FGFR1: variants seen among roughly 807,000 people sequenced by gnomAD.
FGFR1 encodes the protein fibroblast growth factor receptor 1, also known as FGFR1/PLAG1 fusion.
A neutral mutation model predicts 93.7 loss-of-function variants in FGFR1; 18 were observed. That is an observed-to-expected ratio of 0.19 (90% confidence interval 0.13 to 0.28). FGFR1 has a LOEUF of 0.28. FGFR1 is among the 10% of genes least tolerant of loss of function. The pLI is 1.00. For synonymous variants in FGFR1, 448 were observed against 429.3 expected, an observed-to-expected ratio of 1.04 and a Z score of -0.54; for missense variants, 731 against 1,080.4, an observed-to-expected ratio of 0.68 and a Z score of 4.53.
chr8:38,468,516 C>T lies in FGFR1; in HGVS notation c.-624G>A, dbSNP rs534144457. On this transcript the variant is annotated 5_prime_UTR_variant, in exon 1 of 18. Coordinates refer to ENST00000447712, the MANE Select transcript of FGFR1 (RefSeq NM_023110.3). ...CCCGTCCGGACGTGGCCGCCCAGCTCCCGGCACACCCGGGTTCCTCCGCGC... is the reference window on the plus strand; with the variant it reads ...CCCGTCCGGACGTGGCCGCCCAGCTTCCGGCACACCCGGGTTCCTCCGCGC... 2.6e-4 allele frequency: 59 copies of T among 228,754 alleles called. 1 individual carries two copies. Among genetic ancestry groups the T allele is most frequent in the African/African-American group, 1.3e-3 (57 of 45,174 alleles). The allele number at this position is 228,754 out of a possible 1,614,324, so 14.2% of individuals were successfully genotyped here. A position where few individuals can be genotyped will look rare whatever the true frequency, so the allele number is the denominator to read the frequency against.
chr8:38,435,324 A>G (rs1824941289), intron 2 of FGFR1: 1 of 152,242 alleles, frequency 6.6e-6, no homozygotes, highest in Non-Finnish European at 1.5e-5. Flanking sequence ...TCTAGCATCC[A>G]GCAAAAGCTA....
intron 1 of FGFR1, among the ~76,000 whole-genome samples, chr8:38,461,560 T>C (rs1423030306): frequency 6.6e-6 from 1 of 152,190 alleles, no homozygotes; most frequent in Non-Finnish European, 1.5e-5. Context: ...CCACCTACAG[T>C]GGCCTCCCAA....
chr8:38,448,085 A>G lies in FGFR1; in HGVS notation c.91+9271T>C, dbSNP rs540560979. Reference sequence around the variant, plus strand: ...TAAATGCTGATATCAGTCACAAAACATCGTATACAGTATAAATCCTAATTC... The same window carrying G: ...TAAATGCTGATATCAGTCACAAAACGTCGTATACAGTATAAATCCTAATTC... On this transcript the variant is annotated intron_variant, in intron 2 of 17. Coordinates refer to ENST00000447712, the MANE Select transcript of FGFR1 (RefSeq NM_023110.3). Among the ~76,000 whole-genome samples, 4 of 152,336 alleles carry G rather than the reference A, an allele frequency of 2.6e-5. No individual in the cohort carries two copies. In the South Asian group the frequency reaches 6.2e-4, roughly 24 times the overall value.
intron 2 of FGFR1, among the ~76,000 whole-genome samples, chr8:38,432,918 C>G (rs2915664): frequency 2.1e-5 from 3 of 140,906 alleles, no homozygotes; most frequent in East Asian, 4.3e-4. Flanking sequence ...GCCCCCCCCC[C>G]TCCCCAGTTG....
In FGFR1 at chr8:38,429,884, C is replaced by G. The variant is rs1563516081; in HGVS notation, c.156G>C (p.Gln52His). ...CATCGTCCCGCAGCCGACAGCGAAG[C>G]TGCAGCAGGTCACCGGGGTGGACCA... ...SFLVHPGDLLQLRCRLRDDVQ... is the reference protein window; with the variant it reads ...SFLVHPGDLLHLRCRLRDDVQ... Residue 52 changes from glutamine to histidine, a missense_variant, in exon 3 of 18, where the codon CAG becomes CAC. Gln to His is a conservative substitution (Grantham distance 24). Transcript: ENST00000447712. The surrounding 1 kb of genome is among the most constrained non-coding windows in gnomAD (Gnocchi z 4.4). 3 of 1,614,044 alleles carry G rather than the reference C, an allele frequency of 1.9e-6. No individual in the cohort carries two copies. The highest frequency in any genetic ancestry group is 2.5e-6 in the Non-Finnish European group (3 of 1,180,008).
Position 38,411,543 on chromosome 8 carries a change from CA to C in FGFR1, c.*2084del. 3 of 228,446 alleles carry C rather than the reference CA, an allele frequency of 1.3e-5. No homozygotes were observed. Among genetic ancestry groups the C allele is most frequent in the Non-Finnish European group, 1.7e-5 (2 of 115,164 alleles). The allele number at this position is 228,446 out of a possible 1,614,324, so 14.2% of individuals were successfully genotyped here. On this transcript the variant is annotated 3_prime_UTR_variant, in exon 18 of 18. Transcript: ENST00000447712. ...CAATAGTCGCCAACACTGCAGCTGC[CA>C]AAAAATCCCTAGCTCAGAAATTTAA...
Position 38,420,751 on chromosome 8 carries a change from G to A in FGFR1, c.1082-1016C>T, listed in dbSNP as rs185776656. ...AAACCCACCAGCCAACCATGGAGGCGGCGCCCCTGGGAACCTTCCCAGAGA... is the reference window on the plus strand; with the variant it reads ...AAACCCACCAGCCAACCATGGAGGCAGCGCCCCTGGGAACCTTCCCAGAGA... On this transcript the variant is annotated intron_variant, in intron 8 of 17. Coordinates refer to ENST00000447712, the MANE Select transcript of FGFR1 (RefSeq NM_023110.3). 8.5e-5 allele frequency among the ~76,000 whole-genome samples: 13 copies of A among 152,224 alleles called. No individual in the cohort carries two copies. The East Asian group carries it at 2.5e-3, about 29-fold the overall frequency.
At chr8:38,416,151 C>T in intron 12 of FGFR1, 91 bp from the exon 13 acceptor site, 2 of 1,118,202 alleles carry the variant, frequency 1.8e-6, no homozygotes, top group Middle Eastern at 2.8e-4. Context: ...GCAGCACACC[C>T]CGGCCAACCT....
At chr8:38,433,341 T>C (rs1156341434) in intron 2 of FGFR1, among the ~76,000 whole-genome samples, 1 of 151,946 alleles carries the variant, frequency 6.6e-6, no homozygotes, top group Non-Finnish European at 1.5e-5. Context: ...AAGACAGAGT[T>C]GCTTTGTTGC....
chr8:38,463,024 C>T (rs1834769569), intron 1 of FGFR1: 1 of 152,162 alleles, frequency 6.6e-6, no homozygotes, highest in African/African-American at 2.4e-5. Context: ...CCCACCTCAG[C>T]CTCCTGAATA....
rs536638629 is a variant in FGFR1, at chr8:38,438,864, C to T, written c.92-8916G>A. 1.2e-4 allele frequency among the ~76,000 whole-genome samples: 18 copies of T among 152,290 alleles called. 1 individual carries two copies. The South Asian group carries it at 3.7e-3, about 32-fold the overall frequency. On this transcript the variant is annotated intron_variant, in intron 2 of 17. Transcript: ENST00000447712. ...AGATTCTGAAGTTGGTTGCTTTGGC[C>T]TTATCCTCCCCTCCTTCCCTCATTT...
chr8:38,412,267 C>G lies in FGFR1; in HGVS notation c.*1361G>C, dbSNP rs192990547. 1.4e-3 allele frequency: 300 copies of G among 219,988 alleles called. 2 individuals are homozygous for G. Among genetic ancestry groups the G allele is most frequent in the African/African-American group, 6.2e-3 (277 of 44,704 alleles). 13.6% of individuals were successfully genotyped at this position (219,988 alleles called of 1,614,324 possible). On this transcript the variant is annotated 3_prime_UTR_variant, in exon 18 of 18. Coordinates refer to ENST00000447712, the MANE Select transcript of FGFR1 (RefSeq NM_023110.3). ...GTTTCACTAAGTTGGCCAGGCTGGTCTCAAACTCCTGACCTGAAGTGATCT... is the reference window on the plus strand; with the variant it reads ...GTTTCACTAAGTTGGCCAGGCTGGTGTCAAACTCCTGACCTGAAGTGATCT...
chr8:38,442,361 TG>T, intron 2 of FGFR1, among the ~76,000 whole-genome samples: 1 of 55,018 alleles, frequency 1.8e-5, no homozygotes, highest in Non-Finnish European at 4.1e-5. Flanking sequence ...GTTGTTAAAG[TG>T]GTGTGTGTGT....
intron 6 of FGFR1, among the ~76,000 whole-genome samples, chr8:38,425,586 A>T (rs566392705): frequency 6.6e-6 from 1 of 152,322 alleles, no homozygotes; most frequent in East Asian, 1.9e-4. Context: ...TAGAAGGAAA[A>T]GGTTGCGGTA....
chr8:38,460,701 C>G (rs1202568820), intron 1 of FGFR1, among the ~76,000 whole-genome samples: 1 of 152,170 alleles, frequency 6.6e-6, no homozygotes, highest in Non-Finnish European at 1.5e-5. Context: ...AAAACCTGGC[C>G]TCCTGGCACC....
In FGFR1 at chr8:38,415,854, C is replaced by A; in HGVS notation, c.1854+16G>T. 1.2e-6 allele frequency: 2 copies of A among 1,612,644 alleles called. No homozygotes were observed. The highest frequency in any genetic ancestry group is 1.7e-6 in the Non-Finnish European group (2 of 1,179,658). On this transcript the variant is annotated intron_variant, in intron 13 of 17. Transcript: ENST00000447712. ...CCCACCCTGGCATTACCCAGGGGAG[C>A]CTTCAGGTTCCACACCTTCTTGGAG...
At chr8:38,419,776 C>A (rs2150718268) in intron 8 of FGFR1, 41 bp from the exon 9 acceptor site, 2 of 1,572,150 alleles carry the variant, frequency 1.3e-6, no homozygotes, top group South Asian at 2.2e-5. Context: ...CTTGGAGGGC[C>A]CCGTCCATGC....
chr8:38,419,108 G>C (rs940596546), intron 9 of FGFR1, among the ~76,000 whole-genome samples: 5 of 152,330 alleles, frequency 3.3e-5, no homozygotes, highest in Middle Eastern at 3.4e-3. Context: ...GGAACTGTGA[G>C]TCCATTAAAC....
chr8:38,419,646 C>T lies in FGFR1; in HGVS notation c.1171G>A (p.Val391Met), dbSNP rs202073071. 2 of 1,614,142 alleles carry T rather than the reference C, an allele frequency of 1.2e-6. No homozygotes were observed. The highest frequency in any genetic ancestry group is 1.7e-6 in the Non-Finnish European group (2 of 1,180,018). Residue 391 changes from valine (V) to methionine (M), a missense_variant, in exon 9 of 18, where the codon GTG becomes ATG. By Grantham distance (21) the Val-to-Met change is conservative. Coordinates refer to ENST00000447712, the MANE Select transcript of FGFR1 (RefSeq NM_023110.3). ...CTGAFLISCM[V>M]GSVIVYKMKS... ...ATCTTGTAGACGATGACCGACCCCA[C>T]CATGCAGGAGATGAGGAAGGCCCCT... is the stretch of plus-strand genomic sequence containing the variant.
Sources: gnomAD v4.1 joint callset for allele counts (sites outside exome capture counted in the v4.1 genomes callset) on GRCh38, gnomAD v4.1.1 for gene constraint, Gnocchi (gnomAD v3.1) non-coding constraint, MANE v1.5 for transcripts, NCBI Gene and HGNC (gene_info 2026-07-23, HGNC 2026-07-21) for gene names.